DIAPH2: variants seen among roughly 807,000 people sequenced by gnomAD.
DIAPH2 encodes protein diaphanous homolog 2.
DIAPH2 carries 35 observed loss-of-function variants against 92.7 expected under a neutral mutation model. The observed-to-expected ratio is 0.38, with a 90% CI of 0.29 to 0.50. DIAPH2 has a LOEUF of 0.50. DIAPH2 is among the 20% of genes least tolerant of loss of function. The pLI, the probability that DIAPH2 is intolerant of heterozygous loss-of-function variation, is 0.94. For synonymous variants in DIAPH2, 301 were observed against 280.4 expected (o/e 1.07, Z -0.73); for missense variants, 701 against 819.5 (o/e 0.86, Z 1.77).
chrX:97,234,785 C>G (rs1379721264), intron 22 of DIAPH2, among the ~76,000 whole-genome samples: 1 of 111,848 alleles, frequency 8.9e-6, no homozygotes, highest in African/African-American at 3.3e-5. Flanking sequence ...CATACGAAAA[C>G]AGGCAGCCAG....
At chrX:96,921,097 T>C (rs2065539565) in intron 9 of DIAPH2, among the ~76,000 whole-genome samples, 1 of 112,088 alleles carries the variant, frequency 8.9e-6, no homozygotes, top group Admixed American at 9.5e-5. Context: ...ATCCTGAGAC[T>C]TCCCAAAATG....
intron 23 of DIAPH2, among the ~76,000 whole-genome samples, chrX:97,342,478 G>A (rs1158910801): frequency 8.9e-6 from 1 of 112,540 alleles, no homozygotes; most frequent in African/African-American, 3.2e-5. Context: ...GAAAGCTGTT[G>A]TGAAGATGAA....
intron 17 of DIAPH2, among the ~76,000 whole-genome samples, chrX:97,004,835 T>C (rs927583265): frequency 2.7e-5 from 3 of 112,220 alleles, no homozygotes; most frequent in African/African-American, 9.7e-5. Flanking sequence ...TCCAGTATTA[T>C]GTTGAATAAC....
intron 17 of DIAPH2, among the ~76,000 whole-genome samples, chrX:97,068,719 C>A (rs1229932907): frequency 9.0e-6 from 1 of 111,555 alleles, no homozygotes; most frequent in East Asian, 2.8e-4. Flanking sequence ...CTGGAATCAC[C>A]TCTGGAATTG....
At chrX:97,309,289 G>C (rs2147637909) in intron 23 of DIAPH2, among the ~76,000 whole-genome samples, 1 of 109,504 alleles carries the variant, frequency 9.1e-6, no homozygotes, top group South Asian at 4.1e-4. Context: ...AGTAGAGACG[G>C]GGTTTCACCA....
intron 26 of DIAPH2, among the ~76,000 whole-genome samples, chrX:97,585,582 TAA>T (rs11285470): frequency 6.4e-4 from 63 of 97,688 alleles, no homozygotes; most frequent in South Asian, 9.8e-4. Flanking sequence ...CTTTCCTAAG[TAA>T]AAAAAAAAAA....
intron 25 of DIAPH2, among the ~76,000 whole-genome samples, chrX:97,389,790 G>T (rs186949769): frequency 7.2e-5 from 8 of 110,395 alleles, no homozygotes; most frequent in Non-Finnish European, 1.5e-4. Context: ...CCCTCAAGGA[G>T]TTCTGGGCTG....
rs750659313 is a variant in DIAPH2, at chrX:97,549,618, A to G, written c.3242-49635A>G. Reference sequence around the variant, plus strand: ...CATTTATCAACATTGGTAAATCAACATTGATAAATTACCACTTAATCTATA... The same window carrying G: ...CATTTATCAACATTGGTAAATCAACGTTGATAAATTACCACTTAATCTATA... On this transcript the variant is annotated intron_variant, in intron 26 of 26. Transcript: ENST00000324765. 2.7e-5 allele frequency among the ~76,000 whole-genome samples: 3 copies of G among 111,752 alleles called. No homozygotes were observed. In the South Asian group the frequency reaches 1.1e-3, roughly 42 times the overall value.
intron 7 of DIAPH2, among the ~76,000 whole-genome samples, chrX:96,913,658 CTAAGA>C (rs1312057074): frequency 1.5e-4 from 17 of 111,008 alleles, no homozygotes; most frequent in Non-Finnish European, 3.0e-4. Flanking sequence ...GACTTATTTG[CTAAGA>C]ACATTGTAAG....
intron 23 of DIAPH2, among the ~76,000 whole-genome samples, chrX:97,277,084 C>T (rs1424597289): frequency 8.9e-6 from 1 of 112,361 alleles, no homozygotes; most frequent in Non-Finnish European, 1.9e-5. Context: ...CACCTGTAAT[C>T]CCAGCACTTT....
chrX:97,014,119 A>G (rs1343684061), intron 17 of DIAPH2, among the ~76,000 whole-genome samples: 1 of 111,821 alleles, frequency 8.9e-6, no homozygotes, highest in Admixed American at 9.5e-5. Context: ...ATAAATATGG[A>G]AAGATGAGCT....
chrX:97,164,603 G>A (rs2067398554), intron 22 of DIAPH2, among the ~76,000 whole-genome samples: 1 of 112,381 alleles, frequency 8.9e-6, no homozygotes, highest in Admixed American at 9.4e-5. Context: ...TTTCACATGT[G>A]TGACTTTTAA....
chrX:96,912,947 T>C (rs1028547114), intron 7 of DIAPH2, among the ~76,000 whole-genome samples: 1 of 110,372 alleles, frequency 9.1e-6, no homozygotes, highest in Admixed American at 9.7e-5. Context: ...TGAGCTATTG[T>C]TAGTTTTCTC....
chrX:96,698,454 T>C (rs752781902), intron 1 of DIAPH2, among the ~76,000 whole-genome samples: 102 of 111,685 alleles, frequency 9.1e-4, no homozygotes, highest in African/African-American at 2.7e-3. Context: ...GTGCTATCTT[T>C]TTAATTAGTT....
At chrX:97,222,923 G>A (rs1430018965) in intron 22 of DIAPH2, among the ~76,000 whole-genome samples, 2 of 111,298 alleles carry the variant, frequency 1.8e-5, no homozygotes, top group Non-Finnish European at 3.8e-5. Flanking sequence ...ATTGGATCAA[G>A]GGATCCTCCT....
At chrX:97,124,224 T>A (rs748773400) in intron 21 of DIAPH2, among the ~76,000 whole-genome samples, 1 of 112,414 alleles carries the variant, frequency 8.9e-6, no homozygotes, top group South Asian at 3.7e-4. Flanking sequence ...TTGCTATAGT[T>A]CTAAAAGCTT....
chrX:97,512,544 C>T (rs1338738033), intron 26 of DIAPH2, among the ~76,000 whole-genome samples: 1 of 106,616 alleles, frequency 9.4e-6, no homozygotes, highest in Non-Finnish European at 1.9e-5. Context: ...TTCTTGCCTT[C>T]TGCTAGCTTT....
intron 26 of DIAPH2, among the ~76,000 whole-genome samples, chrX:97,457,131 C>T (rs2070414372): frequency 9.0e-6 from 1 of 111,549 alleles, no homozygotes; most frequent in Admixed American, 9.5e-5. Flanking sequence ...AGCAATCCTC[C>T]TGCCAAAGCC....
At chrX:97,019,505 T>G (rs2066283044) in intron 17 of DIAPH2, among the ~76,000 whole-genome samples, 1 of 111,001 alleles carries the variant, frequency 9.0e-6, no homozygotes, top group Admixed American at 9.6e-5. Context: ...ACATATTTCT[T>G]AAGTGTGTGT....
Sources: gnomAD v4.1 joint callset for allele counts (sites outside exome capture counted in the v4.1 genomes callset) on GRCh38, gnomAD v4.1.1 for gene constraint, MANE v1.5 for transcripts, NCBI Gene and HGNC (gene_info 2026-07-23, HGNC 2026-07-21) for gene names.